RBFOX1: variants seen among roughly 807,000 people sequenced by gnomAD.
RBFOX1 encodes RNA binding fox-1 homolog 1.
Under a neutral mutation model 57.7 loss-of-function variants are expected in RBFOX1, and 8 were observed. The observed-to-expected ratio is 0.14, with a 90% CI of 0.08 to 0.25. The LOEUF (loss-of-function observed/expected upper bound fraction) is 0.25. Ranked by LOEUF, RBFOX1 falls within the 10% of genes least tolerant of loss-of-function variation. The pLI is 1.00. For synonymous variants in RBFOX1, 326 were observed against 222.4 expected (o/e 1.47, Z -4.15); for missense variants, 611 against 548.5 (o/e 1.11, Z -1.14).
intron 2 of RBFOX1, among the ~76,000 whole-genome samples, chr16:6,592,549 G>A (rs139642342): frequency 6.6e-6 from 1 of 152,316 alleles, no homozygotes; most frequent in South Asian, 2.1e-4. Flanking sequence ...AGACTTTGGA[G>A]TCAGATTACA....
At chr16:6,830,573 G>T (rs1042678666) in intron 3 of RBFOX1, among the ~76,000 whole-genome samples, 4 of 152,160 alleles carry the variant, frequency 2.6e-5, no homozygotes, top group Non-Finnish European at 5.9e-5. Context: ...TCAGAATGGG[G>T]TGGGGAAATT....
At position 5,700,051 on chromosome 16, in the gene RBFOX1, T is replaced by C. The variant is rs151327168; in HGVS notation, c.318+101090T>C. ...GTTTTACCGTGTTAGCCAGGATGGT[T>C]TCGATCTCCTGACCTCATGATCTGC... On this transcript the variant is annotated intron_variant, in intron 3 of 19. Transcript: ENST00000641259. Among the ~76,000 whole-genome samples, 1,080 of 152,200 alleles carry C rather than the reference T, an allele frequency of 7.1e-3. 6 individuals carry two copies. Among genetic ancestry groups the C allele is most frequent in the East Asian group, 0.025 (129 of 5,164 alleles).
At chr16:7,672,883 A>AAAAAAC (rs2071993584) in intron 13 of RBFOX1, among the ~76,000 whole-genome samples, 1 of 150,040 alleles carries the variant, frequency 6.7e-6, no homozygotes, top group Admixed American at 6.6e-5. Context: ...AAAAAAAAAA[A>AAAAAAC]AAAAAGAACA....
At chr16:5,884,756 C>T (rs1597633229) in intron 4 of RBFOX1, among the ~76,000 whole-genome samples, 1 of 152,134 alleles carries the variant, frequency 6.6e-6, no homozygotes, top group East Asian at 1.9e-4. Context: ...GAATGAGAAG[C>T]AGTTATCCTG....
intron 2 of RBFOX1, among the ~76,000 whole-genome samples, chr16:5,485,648 C>G: frequency 6.6e-6 from 1 of 152,186 alleles, no homozygotes; most frequent in East Asian, 1.9e-4. Flanking sequence ...TGAGGCTCAG[C>G]AAGGTTAATA....
chr16:6,148,893 T>G (rs1007014342), intron 1 of RBFOX1, among the ~76,000 whole-genome samples: 2 of 151,924 alleles, frequency 1.3e-5, no homozygotes, highest in Non-Finnish European at 2.9e-5. Flanking sequence ...TCCACCCCCC[T>G]CCCTGCCACG....
At chr16:6,517,269 A>C (rs1031526230) in intron 2 of RBFOX1, among the ~76,000 whole-genome samples, 1 of 152,316 alleles carries the variant, frequency 6.6e-6, no homozygotes, top group South Asian at 2.1e-4. Flanking sequence ...ACAATTCTGC[A>C]TATTCAGTTT....
intron 2 of RBFOX1, among the ~76,000 whole-genome samples, chr16:6,598,456 C>T (rs905868909): frequency 6.6e-6 from 1 of 152,116 alleles, no homozygotes; most frequent in Non-Finnish European, 1.5e-5. Context: ...CTTGTTATCT[C>T]CCAGTAATCC....
At chr16:5,943,684 C>T (rs985443467) in intron 4 of RBFOX1, among the ~76,000 whole-genome samples, 1 of 152,102 alleles carries the variant, frequency 6.6e-6, no homozygotes, top group Non-Finnish European at 1.5e-5. Context: ...TCTGAGAATT[C>T]GAAGGAGGTT....
chr16:6,944,808 G>T (rs988296072), intron 3 of RBFOX1, among the ~76,000 whole-genome samples: 14 of 152,258 alleles, frequency 9.2e-5, no homozygotes, highest in Middle Eastern at 3.4e-3. Flanking sequence ...AGAATAACCT[G>T]AGGACTGGAG....
chr16:7,685,358 T>A (rs1002725371), intron 14 of RBFOX1, among the ~76,000 whole-genome samples: 1 of 152,128 alleles, frequency 6.6e-6, no homozygotes, highest in Admixed American at 6.6e-5. Flanking sequence ...TTCTTCCCTC[T>A]CCTGGCCCAG....
intron 2 of RBFOX1, among the ~76,000 whole-genome samples, chr16:5,592,997 C>A: frequency 6.6e-6 from 1 of 152,168 alleles, no homozygotes; most frequent in East Asian, 1.9e-4. Flanking sequence ...ATGGTTAAGG[C>A]ATTCTAAGTC....
chr16:6,598,775 G>T (rs2097806424), intron 2 of RBFOX1, among the ~76,000 whole-genome samples: 1 of 152,198 alleles, frequency 6.6e-6, no homozygotes, highest in African/African-American at 2.4e-5. Flanking sequence ...GTGAAACCCT[G>T]TCTCTACTAA....
intron 4 of RBFOX1, among the ~76,000 whole-genome samples, chr16:7,331,793 T>C (rs1421757089): frequency 1.3e-5 from 2 of 152,096 alleles, no homozygotes; most frequent in Admixed American, 6.5e-5. Context: ...ATAATTCCAA[T>C]TATATTAATT....
At chr16:5,776,711 C>T (rs925518973) in intron 3 of RBFOX1, among the ~76,000 whole-genome samples, 1 of 152,154 alleles carries the variant, frequency 6.6e-6, no homozygotes, top group African/African-American at 2.4e-5. Flanking sequence ...GGATTTCAAC[C>T]CAGACAGTCT....
intron 2 of RBFOX1, among the ~76,000 whole-genome samples, chr16:6,491,487 G>C (rs1041826657): frequency 6.6e-6 from 1 of 152,164 alleles, no homozygotes; most frequent in African/African-American, 2.4e-5. Flanking sequence ...AGTGGTTCAG[G>C]ATTCACATTC....
At chr16:5,841,337 G>T (rs2056619161) in intron 3 of RBFOX1, among the ~76,000 whole-genome samples, 1 of 152,144 alleles carries the variant, frequency 6.6e-6, no homozygotes. Context: ...TTATCACCAT[G>T]CAGCTGCACT....
At chr16:7,084,453 A>T (rs953310497) in intron 4 of RBFOX1, among the ~76,000 whole-genome samples, 3 of 152,178 alleles carry the variant, frequency 2.0e-5, no homozygotes, top group Non-Finnish European at 2.9e-5. Flanking sequence ...GGACCTAGTA[A>T]TGTCTTACTT....
At chr16:5,548,215 G>GACT (rs1350779828) in intron 2 of RBFOX1, among the ~76,000 whole-genome samples, 1 of 115,706 alleles carries the variant, frequency 8.6e-6, no homozygotes, top group African/African-American at 2.9e-5. Flanking sequence ...AGACATTGGG[G>GACT]ACTACTGGTG....
Sources: gnomAD v4.1 joint callset for allele counts (sites outside exome capture counted in the v4.1 genomes callset) on GRCh38, gnomAD v4.1.1 for gene constraint, MANE v1.5 for transcripts, NCBI Gene and HGNC (gene_info 2026-07-23, HGNC 2026-07-21) for gene names.